The following C1orf94 variants were observed in gnomAD, a reference collection of about 807,000 sequenced individuals.
C1orf94 encodes the protein chromosome 1 open reading frame 94, also known as uncharacterized protein C1orf94.
In C1orf94, 45 loss-of-function variants were observed where a neutral mutation model predicts 53.6. The ratio of observed to expected loss-of-function variants is 0.84; its 90% CI spans 0.66 to 1.08. The LOEUF is 1.08. C1orf94 is among the 50% of genes least tolerant of loss of function. The probability of loss-of-function intolerance (pLI) is 0.00; values close to 1 mark genes in which losing one functional copy is unlikely to be tolerated. For synonymous variants in C1orf94, 304 were observed against 296.1 expected (o/e 1.03, Z -0.27); for missense variants, 762 against 738.9 (o/e 1.03, Z -0.36).
intron 4 of C1orf94, among the ~76,000 whole-genome samples, chr1:34,202,942 T>C (rs1176489010): frequency 2.6e-5 from 4 of 152,224 alleles, no homozygotes; most frequent in Non-Finnish European, 5.9e-5. Context: ...TACAGTATAA[T>C]AACTATTTAC....
At chr1:34,169,256 A>G (rs1359251262) in intron 1 of C1orf94, among the ~76,000 whole-genome samples, 1 of 152,132 alleles carries the variant, frequency 6.6e-6, no homozygotes, top group Non-Finnish European at 1.5e-5. Context: ...GAGAGGCAGG[A>G]GTCAAAGACA....
At chr1:34,199,537 A>G (rs1642661333) in intron 2 of C1orf94, among the ~76,000 whole-genome samples, 1 of 152,182 alleles carries the variant, frequency 6.6e-6, no homozygotes, top group Non-Finnish European at 1.5e-5. Context: ...GGGGGCCAAA[A>G]GCTGGTGGGA....
chr1:34,203,238 A>G (rs1642741795), intron 4 of C1orf94, among the ~76,000 whole-genome samples: 1 of 152,164 alleles, frequency 6.6e-6, no homozygotes, highest in South Asian at 2.1e-4. Context: ...CCCAGGTTGA[A>G]GCGATTCTCC....
chr1:34,213,781 T>C (rs1271554882), intron 6 of C1orf94, among the ~76,000 whole-genome samples: 1 of 152,176 alleles, frequency 6.6e-6, no homozygotes, highest in African/African-American at 2.4e-5. Flanking sequence ...CCTCAGGTCA[T>C]CTGCCTGCCT....
At chr1:34,188,661 C>T (rs983351438) in intron 1 of C1orf94, among the ~76,000 whole-genome samples, 2 of 152,132 alleles carry the variant, frequency 1.3e-5, no homozygotes, top group African/African-American at 4.8e-5. Context: ...GCATAGCGCT[C>T]GTTACAATTT....
intron 1 of C1orf94, among the ~76,000 whole-genome samples, chr1:34,185,324 C>T (rs1642369089): frequency 1.3e-5 from 2 of 152,156 alleles, no homozygotes; most frequent in South Asian, 4.2e-4. Context: ...AGATTACAGG[C>T]ATGCACCTCC....
At chr1:34,180,586 C>T (rs1642298281) in intron 1 of C1orf94, among the ~76,000 whole-genome samples, 1 of 152,200 alleles carries the variant, frequency 6.6e-6, no homozygotes, top group African/African-American at 2.4e-5. Context: ...CCGCCTTGGC[C>T]CTGAGGCAAT....
At chr1:34,176,060 C>T (rs1401859652), upstream of C1orf94, among the ~76,000 whole-genome samples, 1 of 152,090 alleles carries the variant, frequency 6.6e-6, no homozygotes, top group Non-Finnish European at 1.5e-5. Context: ...AGAGCAGGGA[C>T]CATGCCATTT....
chr1:34,176,392 A>G (rs962979137), upstream of C1orf94, among the ~76,000 whole-genome samples: 2 of 152,076 alleles, frequency 1.3e-5, no homozygotes, highest in Non-Finnish European at 2.9e-5. Flanking sequence ...GCCCAATTGA[A>G]TGAAGCCGCT....
At position 34,185,911 on chromosome 1, in the gene C1orf94, A is replaced by C. The variant is rs929327753; in HGVS notation, c.320+7802A>C. Among the ~76,000 whole-genome samples the C allele has an allele frequency of 9.2e-5, 14 of 152,282 alleles. No individual in the cohort carries two copies. In the South Asian group the frequency reaches 1.2e-3, roughly 14 times the overall value. On this transcript the variant is annotated intron_variant, in intron 1 of 6. Transcript: ENST00000488417. ...TCCTGCACATGCTCTATAAACCAAC[A>C]AGAGCTACCAGCAGGTGCATGTCAC...
At chr1:34,201,322 C>T (rs1642703865) in intron 3 of C1orf94, among the ~76,000 whole-genome samples, 1 of 152,254 alleles carries the variant, frequency 6.6e-6, no homozygotes. Context: ...ATTGCCCAAG[C>T]CAAAACAAAA....
At chr1:34,207,932 C>T (rs1042397875) in intron 4 of C1orf94, among the ~76,000 whole-genome samples, 1 of 152,180 alleles carries the variant, frequency 6.6e-6, no homozygotes, top group Non-Finnish European at 1.5e-5. Context: ...GCTCCTGTCT[C>T]CCACACTCAT....
At position 34,197,268 on chromosome 1, in the gene C1orf94, G is replaced by T; in HGVS notation, c.364G>T (p.Val122Leu). 1 of 1,549,010 alleles carries T rather than the reference G, an allele frequency of 6.5e-7. No individual in the cohort carries two copies. ...TGGCAAAGATGAGATCTCCTTGTTG[G>T]TGGAACAGGAGTTCCTAAGCCTCAC... Reference protein sequence around the residue: ...SSGKDEISLLVEQEFLSLTKE... With the variant: ...SSGKDEISLLLEQEFLSLTKE... Residue 122 changes from valine (V) to leucine (L), a missense_variant, in exon 2 of 7, where the codon GTG becomes TTG. Coordinates refer to ENST00000488417, the MANE Select transcript of C1orf94 (RefSeq NM_001134734.2). The surrounding 1 kb of genome is among the most constrained non-coding windows in gnomAD (Gnocchi z 4.1).
chr1:34,197,767 CATTT>C lies in C1orf94; in HGVS notation c.864_867del (p.Phe289CysfsTer46), dbSNP rs779510640. ...CCCAAGGAGCCCACAGGGCTGAGCC[CATTT>C]CTGCTGCTGCCTCCCCGACCTCCTC... is the stretch of plus-strand genomic sequence containing the variant. On this transcript the variant is annotated frameshift_variant, in exon 2 of 7. Transcript: ENST00000488417. LOFTEE classifies it high-confidence loss of function. This position sits in a 1 kb window ranked among gnomAD's most constrained non-coding sequence, Gnocchi z 4.1. The C allele has an allele frequency of 6.2e-7, 1 of 1,614,212 alleles. No homozygotes were observed.
intron 4 of C1orf94, among the ~76,000 whole-genome samples, chr1:34,205,816 A>G (rs1642784313): frequency 6.6e-6 from 1 of 152,136 alleles, no homozygotes; most frequent in Admixed American, 6.5e-5. Context: ...GAGGACTCAG[A>G]GATGTGAAAG....
At chr1:34,191,859 C>A (rs569375658) in intron 1 of C1orf94, among the ~76,000 whole-genome samples, 1 of 152,242 alleles carries the variant, frequency 6.6e-6, no homozygotes, top group African/African-American at 2.4e-5. Context: ...GGGGTGCCAA[C>A]CAGTCAATAG....
chr1:34,178,042 T>A lies in C1orf94; in HGVS notation c.253T>A (p.Ser85Thr). The A allele has an allele frequency of 6.4e-7, 1 of 1,551,696 alleles. No homozygotes were observed. Among genetic ancestry groups the A allele is most frequent in the African/African-American group, 1.4e-5 (1 of 73,150 alleles). Residue 85 changes from serine to threonine, a missense_variant, in exon 1 of 7, where the codon TCC becomes ACC. Coordinates refer to ENST00000488417, the MANE Select transcript of C1orf94 (RefSeq NM_001134734.2). ...GCCTGAGGCCTCACAGCCCTGGACC[T>A]CCATGGAGCAGCTCTCTGTCCCTGT... ...GLPEASQPWT[S>T]MEQLSVPVVG... is the part of the protein sequence containing the mutation.
At position 34,179,731 on chromosome 1, in the gene C1orf94, T is replaced by TTTGTTG. The variant is rs572201275; in HGVS notation, c.320+1637_320+1642dup. Among the ~76,000 whole-genome samples the TTTGTTG allele has an allele frequency of 5.9e-5, 9 of 152,120 alleles. No homozygotes were observed. The East Asian group carries it at 1.7e-3, about 29-fold the overall frequency. ...TAACATGTACTTCTTCAGGTTGGGATTTGTTGTTGTTGTTGTTGTTTTTGT... is the reference window on the plus strand; with the variant it reads ...TAACATGTACTTCTTCAGGTTGGGATTTGTTGTTGTTGTTGTTGTTGTTGTTTTTGT... On this transcript the variant is annotated intron_variant, in intron 1 of 6. Coordinates refer to ENST00000488417, the MANE Select transcript of C1orf94 (RefSeq NM_001134734.2).
intron 1 of C1orf94, among the ~76,000 whole-genome samples, chr1:34,185,883 G>A (rs763866461): frequency 6.6e-6 from 1 of 152,184 alleles, no homozygotes; most frequent in East Asian, 1.9e-4. Context: ...CGTCTTGCTG[G>A]TCTCCTGCAC....
Sources: allele counts gnomAD v4.1 joint callset (sites outside exome capture counted in the v4.1 genomes callset), GRCh38; gene constraint gnomAD v4.1.1; non-coding constraint Gnocchi (gnomAD v3.1); transcripts MANE v1.5; gene names NCBI Gene and HGNC (gene_info 2026-07-23, HGNC 2026-07-21).